The following L3MBTL4 variants were observed in gnomAD, a reference collection of about 807,000 sequenced individuals.
L3MBTL4 encodes lethal(3)malignant brain tumor-like protein 4.
Under a neutral mutation model 84.5 loss-of-function variants are expected in L3MBTL4, and 70 were observed. The ratio of observed to expected loss-of-function variants is 0.83; its 90% CI spans 0.68 to 1.01. The LOEUF (loss-of-function observed/expected upper bound fraction) is 1.01. Among genes scored for constraint, L3MBTL4 ranks in the 50% least tolerant of loss-of-function variants. The pLI is 0.00. For missense variants in L3MBTL4, 715 were observed against 754.8 expected, an observed-to-expected ratio of 0.95 and a Z score of 0.62; for synonymous variants, 274 against 259.8, an observed-to-expected ratio of 1.05 and a Z score of -0.52.
intron 14 of L3MBTL4, among the ~76,000 whole-genome samples, chr18:6,134,031 A>T (rs2059953558): frequency 6.6e-6 from 1 of 152,168 alleles, no homozygotes; most frequent in Non-Finnish European, 1.5e-5. Flanking sequence ...GGAAGGAAAA[A>T]GAGGTTCAGT....
chr18:6,032,901 C>T (rs180956353), intron 16 of L3MBTL4, among the ~76,000 whole-genome samples: 1 of 152,176 alleles, frequency 6.6e-6, no homozygotes, highest in African/African-American at 2.4e-5. Context: ...AATAATATTC[C>T]GTTGTATGTA....
At chr18:6,232,571 T>C (rs2047042034) in intron 10 of L3MBTL4, among the ~76,000 whole-genome samples, 1 of 152,032 alleles carries the variant, frequency 6.6e-6, no homozygotes, top group Non-Finnish European at 1.5e-5. Flanking sequence ...AGTTAGAATA[T>C]TTTAATAAAA....
chr18:6,033,054 C>T (rs1214160488), intron 16 of L3MBTL4, among the ~76,000 whole-genome samples: 1 of 152,128 alleles, frequency 6.6e-6, no homozygotes, highest in Non-Finnish European at 1.5e-5. Flanking sequence ...GTGTTAAGTC[C>T]TCTATTTCCT....
chr18:6,091,635 G>T (rs772870242), intron 15 of L3MBTL4, among the ~76,000 whole-genome samples: 1 of 152,142 alleles, frequency 6.6e-6, no homozygotes, highest in Non-Finnish European at 1.5e-5. Context: ...AGTTTAAAAG[G>T]CTAAACTCCT....
intron 4 of L3MBTL4, among the ~76,000 whole-genome samples, chr18:6,299,961 C>G (rs930130630): frequency 6.6e-6 from 1 of 152,098 alleles, no homozygotes; most frequent in African/African-American, 2.4e-5. Context: ...CATGAGCCAC[C>G]ACGCCTGACC....
At chr18:6,090,790 ATT>A (rs71370543) in intron 15 of L3MBTL4, among the ~76,000 whole-genome samples, 8 of 129,702 alleles carry the variant, frequency 6.2e-5, no homozygotes, top group Non-Finnish European at 8.3e-5. Flanking sequence ...ACACCCACCT[ATT>A]TTTTTTTTTT....
intron 16 of L3MBTL4, among the ~76,000 whole-genome samples, chr18:5,975,986 T>A: frequency 6.6e-6 from 1 of 152,214 alleles, no homozygotes; most frequent in Admixed American, 6.5e-5. Context: ...TCTTAACCAA[T>A]TTTATATAAA....
chr18:6,076,769 A>C (rs553462490), intron 16 of L3MBTL4, among the ~76,000 whole-genome samples: 2 of 152,314 alleles, frequency 1.3e-5, no homozygotes, highest in African/African-American at 4.8e-5. Context: ...CATTTTATGA[A>C]ATTTGGGGAT....
intron 13 of L3MBTL4, among the ~76,000 whole-genome samples, chr18:6,144,689 G>T (rs1020323713): frequency 5.3e-5 from 8 of 152,124 alleles, no homozygotes; most frequent in African/African-American, 1.9e-4. Flanking sequence ...CTTAAATCTG[G>T]TCATGGTCAC....
At chr18:6,134,064 T>G (rs1413406641) in intron 14 of L3MBTL4, among the ~76,000 whole-genome samples, 2 of 152,132 alleles carry the variant, frequency 1.3e-5, no homozygotes, top group South Asian at 4.2e-4. Flanking sequence ...TCCACATGGC[T>G]GGGGAGGCCT....
chr18:6,255,762 A>G (rs940751791), intron 5 of L3MBTL4, among the ~76,000 whole-genome samples: 3 of 151,914 alleles, frequency 2.0e-5, no homozygotes, highest in Middle Eastern at 3.2e-3. Context: ...TGAAGGCAAC[A>G]AAATACATAT....
At chr18:5,997,123 T>C (rs1184653039) in intron 16 of L3MBTL4, among the ~76,000 whole-genome samples, 1 of 150,624 alleles carries the variant, frequency 6.6e-6, no homozygotes, top group African/African-American at 2.5e-5. Flanking sequence ...TAAGTATTAA[T>C]ATAATAACTG....
chr18:6,002,464 C>T (rs922626584), intron 16 of L3MBTL4, among the ~76,000 whole-genome samples: 1 of 152,042 alleles, frequency 6.6e-6, no homozygotes, highest in Non-Finnish European at 1.5e-5. Flanking sequence ...ATTTAAAAGA[C>T]TAATGCATAA....
chr18:5,967,649 C>G (rs1015070498), intron 17 of L3MBTL4, among the ~76,000 whole-genome samples: 1 of 152,218 alleles, frequency 6.6e-6, no homozygotes, highest in African/African-American at 2.4e-5. Context: ...CAAGTGAGTG[C>G]GAGGTCAGGC....
intron 15 of L3MBTL4, among the ~76,000 whole-genome samples, chr18:6,092,132 T>C (rs2058480149): frequency 6.6e-6 from 1 of 152,130 alleles, no homozygotes. Context: ...CCATAGGAAA[T>C]AGATCATGCA....
At chr18:6,403,961 C>G (rs557250889) in intron 1 of L3MBTL4, among the ~76,000 whole-genome samples, 12 of 152,288 alleles carry the variant, frequency 7.9e-5, no homozygotes, top group Middle Eastern at 6.8e-3. Flanking sequence ...TTGGATGTGG[C>G]TGGAGGCCAT....
intron 16 of L3MBTL4, among the ~76,000 whole-genome samples, chr18:6,022,788 T>C (rs916938049): frequency 2.6e-5 from 4 of 152,212 alleles, no homozygotes; most frequent in African/African-American, 9.7e-5. Context: ...CATTTCAAAA[T>C]GTTTTCTCTT....
chr18:5,988,438 A>T (rs2053556392), intron 16 of L3MBTL4, among the ~76,000 whole-genome samples: 1 of 152,162 alleles, frequency 6.6e-6, no homozygotes, highest in Admixed American at 6.5e-5. Context: ...AGAAAATGTA[A>T]ATTATATTTA....
chr18:5,965,525 C>T (rs1283886151), intron 17 of L3MBTL4, among the ~76,000 whole-genome samples: 2 of 152,130 alleles, frequency 1.3e-5, no homozygotes, highest in South Asian at 2.1e-4. Flanking sequence ...CCCCACCAGT[C>T]CAGCTCAGCC....
Sources: gnomAD v4.1 joint callset for allele counts (sites outside exome capture counted in the v4.1 genomes callset) on GRCh38, gnomAD v4.1.1 for gene constraint, MANE v1.5 for transcripts, NCBI Gene and HGNC (gene_info 2026-07-23, HGNC 2026-07-21) for gene names.